OFD1: variants seen among roughly 807,000 people sequenced by gnomAD.
The protein encoded by OFD1 is centriole and centriolar satellite protein OFD1.
OFD1 carries 12 observed loss-of-function variants against 81.4 expected under a neutral mutation model. The observed-to-expected ratio is 0.15, with a 90% CI of 0.09 to 0.24. OFD1 has a LOEUF of 0.24. Among genes scored for constraint, OFD1 ranks in the 10% least tolerant of loss-of-function variants. OFD1 has a pLI of 1.00. For missense variants in OFD1, 685 were observed against 733.9 expected, an observed-to-expected ratio of 0.93 and a Z score of 0.77; for synonymous variants, 256 against 263.7, an observed-to-expected ratio of 0.97 and a Z score of 0.28.
Position 13,753,368 on chromosome X carries a change from G to C in OFD1, c.1056G>C (p.Lys352Asn). ...YDRKLKNELL[K>N]YQLELKDDYI... Reference sequence around the variant, plus strand: ...CATATTTAGTCATTCTGATTCTCAGGTATCAACTTGAACTGAAGGATGACT... The same window carrying C: ...CATATTTAGTCATTCTGATTCTCAGCTATCAACTTGAACTGAAGGATGACT... Residue 352 changes from lysine to asparagine, a missense_variant and splice_region_variant, in exon 11 of 23, where the codon AAG (lysine) becomes AAC (asparagine). Lys to Asn is a moderately conservative substitution (Grantham distance 94). Transcript: ENST00000340096. The C allele has an allele frequency of 8.3e-7, 1 of 1,206,731 alleles. No individual in the cohort carries two copies. The highest frequency in any genetic ancestry group is 1.1e-6 in the Non-Finnish European group (1 of 892,059).
At chrX:13,731,478 A>G (rs1008433141), upstream of OFD1, among the ~76,000 whole-genome samples, 1 of 112,568 alleles carries the variant, frequency 8.9e-6, no homozygotes, top group African/African-American at 3.2e-5. Context: ...CTGAAGGGAG[A>G]TACGGTAGGT....
At position 13,735,310 on chromosome X, in the gene OFD1, G is replaced by C; in HGVS notation, c.75G>C (p.Gln25His). 1 of 1,210,635 alleles carries C rather than the reference G, an allele frequency of 8.3e-7. No homozygotes were observed. Among genetic ancestry groups the C allele is most frequent in the Non-Finnish European group, 1.1e-6 (1 of 894,284 alleles). The change falls in exon 2 of 23, where the codon CAG becomes CAC. Residue 25 changes from glutamine to histidine, a missense_variant. Around this residue, in one of 3 missense-constraint regions of OFD1, gnomAD observed 414 missense variants for 447.2 expected, o/e 0.93. Coordinates refer to ENST00000340096, the MANE Select transcript of OFD1 (RefSeq NM_003611.3). The part of the protein sequence containing the change: ...SQDELRKKLY[Q>H]TFKDRGILDT... ...ATGAACTGCGCAAAAAGCTATACCA[G>C]ACGTTTAAGGATCGGGGTATACTGG... is the stretch of plus-strand genomic sequence containing the variant.
intron 15 of OFD1, among the ~76,000 whole-genome samples, chrX:13,759,164 C>T (rs1009756048): frequency 2.7e-5 from 3 of 112,056 alleles, no homozygotes; most frequent in African/African-American, 6.5e-5. Context: ...AAAGAAAGTA[C>T]GTATGTGTTA....
upstream of OFD1, among the ~76,000 whole-genome samples, chrX:13,732,844 A>G (rs1183043744): frequency 3.5e-5 from 4 of 112,850 alleles, no homozygotes; most frequent in Non-Finnish European, 7.5e-5. Flanking sequence ...TACAACCTCT[A>G]TAGAAGAGCT....
chrX:13,734,804 G>C lies in OFD1; in HGVS notation c.-268G>C. On this transcript the variant is annotated 5_prime_UTR_variant, in exon 1 of 23. Coordinates refer to ENST00000340096, the MANE Select transcript of OFD1 (RefSeq NM_003611.3). ...TTCAGTCCCTAGTGTCTGGGTCCCC[G>C]CCCTCCAGCCGCCTTTGAGTCGTGC... 2 of 1,073,485 alleles carry C rather than the reference G, an allele frequency of 1.9e-6. No individual in the cohort carries two copies. The highest frequency in any genetic ancestry group is 2.5e-5 in the South Asian group (1 of 40,183). 88.5% of individuals were successfully genotyped at this position (1,073,485 alleles called of 1,213,427 possible).
the OFD1 span, among the ~76,000 whole-genome samples, chrX:13,723,405 T>G: frequency 1.8e-5 from 2 of 110,447 alleles, no homozygotes; most frequent in Admixed American, 1.9e-4. Flanking sequence ...TGGCCTCAAG[T>G]GATCTGCCCA....
Position 13,759,682 on chromosome X carries a change from C to T in OFD1, c.1655-433C>T, listed in dbSNP as rs192894433. Among the ~76,000 whole-genome samples the T allele has an allele frequency of 5.3e-5, 6 of 112,264 alleles. No individual in the cohort carries two copies. The Admixed American group carries it at 5.6e-4, about 11-fold the overall frequency. On this transcript the variant is annotated intron_variant, in intron 15 of 22. Transcript: ENST00000340096. ...CAATAGCCCTGGGAGTTCTGAACAG[C>T]ATCCTATAGTAAAGCACATTAATTA...
At chrX:13,728,492 A>T in the OFD1 span, among the ~76,000 whole-genome samples, 1 of 112,355 alleles carries the variant, frequency 8.9e-6, no homozygotes. Flanking sequence ...AGAACCAACG[A>T]CAAAATCCAC....
intron 5 of OFD1, 161 bp downstream of exon 5, chrX:13,739,193 C>G (rs1330897288): frequency 9.1e-6 from 4 of 440,126 alleles, no homozygotes; most frequent in Non-Finnish European, 1.6e-5. Flanking sequence ...TTTGTAATAA[C>G]TTTTAGATAT....
chrX:13,743,746 A>G (rs1236124103), intron 5 of OFD1, among the ~76,000 whole-genome samples: 2 of 109,794 alleles, frequency 1.8e-5, no homozygotes, highest in Non-Finnish European at 3.8e-5. Flanking sequence ...CAAACTACCC[A>G]TGTTTTTCCC....
At chrX:13,742,144 G>T (rs992604696) in intron 5 of OFD1, among the ~76,000 whole-genome samples, 1 of 112,129 alleles carries the variant, frequency 8.9e-6, no homozygotes, top group Non-Finnish European at 1.9e-5. Flanking sequence ...CATCAATGGG[G>T]ACAGAATTAG....
intron 5 of OFD1, among the ~76,000 whole-genome samples, chrX:13,740,477 T>A (rs2047049379): frequency 8.9e-6 from 1 of 112,167 alleles, no homozygotes; most frequent in African/African-American, 3.2e-5. Context: ...AAAGGAAATT[T>A]GTGGCTTGAA....
At chrX:13,767,617 C>T (rs1273134093) in intron 20 of OFD1, among the ~76,000 whole-genome samples, 1 of 112,231 alleles carries the variant, frequency 8.9e-6, no homozygotes, top group African/African-American at 3.2e-5. Flanking sequence ...CTGTCAGTGC[C>T]AGCTAGCTGG....
intron 10 of OFD1, chrX:13,752,643 G>A: frequency 1.1e-6 from 1 of 924,733 alleles, no homozygotes; most frequent in Non-Finnish European, 1.4e-6. Flanking sequence ...ATGAATTAAA[G>A]TATGTGTGTT....
At chrX:13,728,355 A>G in the OFD1 span, among the ~76,000 whole-genome samples, 1 of 112,089 alleles carries the variant, frequency 8.9e-6, no homozygotes, top group Non-Finnish European at 1.9e-5. Context: ...TCCTCAATAA[A>G]ATACTGGCAA....
At chrX:13,719,125 C>G in the OFD1 span, among the ~76,000 whole-genome samples, 1 of 110,847 alleles carries the variant, frequency 9.0e-6, no homozygotes. Flanking sequence ...TCACTGCACT[C>G]CAGTCTGGGC....
chrX:13,755,513 C>T (rs2047668035), intron 12 of OFD1, among the ~76,000 whole-genome samples: 1 of 111,494 alleles, frequency 9.0e-6, no homozygotes, highest in Non-Finnish European at 1.9e-5. Context: ...TCTGTGACTG[C>T]AGGTTCCTGA....
Position 13,763,797 on chromosome X carries a change from G to T in OFD1, c.2541G>T (p.Gly847=). 1 of 1,211,323 alleles carries T rather than the reference G, an allele frequency of 8.3e-7. No individual in the cohort carries two copies. The highest frequency in any genetic ancestry group is 1.1e-6 in the Non-Finnish European group (1 of 895,356). ...QLEMGGLSPA[G]DMSHVDAAAA... is the part of the protein sequence containing the mutation. ...AAATGGGCGGGCTTTCTCCTGCCGGGGATATGTCTCATGTGGACGCTGCTG... is the reference window on the plus strand; with the variant it reads ...AAATGGGCGGGCTTTCTCCTGCCGGTGATATGTCTCATGTGGACGCTGCTG... Residue 847 remains glycine (G), a synonymous_variant, in exon 19 of 23, where the codon GGG becomes GGT. Transcript: ENST00000340096.
At chrX:13,716,567 C>T in the OFD1 span, 1 of 1,210,079 alleles carries the variant, frequency 8.3e-7, no homozygotes, top group Admixed American at 2.2e-5. Flanking sequence ...ACAAACCACT[C>T]GTTGAACTTG....
Sources: gnomAD v4.1 joint callset for allele counts (sites outside exome capture counted in the v4.1 genomes callset) on GRCh38, gnomAD v4.1.1 for gene constraint, gnomAD v4.1.1 regional missense constraint, MANE v1.5 for transcripts, NCBI Gene and HGNC (gene_info 2026-07-23, HGNC 2026-07-21) for gene names.